VSTM2B: variants seen among roughly 807,000 people sequenced by gnomAD.
VSTM2B encodes the protein V-set and transmembrane domain containing 2B.
In VSTM2B, 24 loss-of-function variants were observed where a neutral mutation model predicts 24.0. The ratio of observed to expected loss-of-function variants is 1.00; its 90% confidence interval spans 0.72 to 1.40. VSTM2B has a LOEUF of 1.40. Among genes scored for constraint, VSTM2B ranks in the 40% most tolerant of loss-of-function variants. The pLI, the probability that VSTM2B is intolerant of heterozygous loss-of-function variation, is 0.00. For synonymous variants in VSTM2B, 226 were observed against 194.4 expected, an observed-to-expected ratio of 1.16 and a Z score of -1.35; for missense variants, 399 against 416.4, an observed-to-expected ratio of 0.96 and a Z score of 0.36.
chr19:29,544,372 A>C (rs1310808586), intron 4 of VSTM2B, among the ~76,000 whole-genome samples: 1 of 151,370 alleles, frequency 6.6e-6, no homozygotes, highest in Non-Finnish European at 1.5e-5. Flanking sequence ...TGAAAATATA[A>C]AAAATTAGCC....
intron 4 of VSTM2B, among the ~76,000 whole-genome samples, chr19:29,558,889 CATAAAA>C (rs1403095918): frequency 2.6e-5 from 4 of 152,064 alleles, no homozygotes; most frequent in African/African-American, 9.7e-5. Context: ...TAAAAAGAAA[CATAAAA>C]ATAAAACCAC....
At chr19:29,536,310 G>A (rs772816267) in intron 4 of VSTM2B, among the ~76,000 whole-genome samples, 3 of 152,208 alleles carry the variant, frequency 2.0e-5, no homozygotes, top group Non-Finnish European at 4.4e-5. Flanking sequence ...CTTCCTGTAG[G>A]TGGTGTGTGA....
At chr19:29,555,456 A>G (rs1970384184) in intron 4 of VSTM2B, among the ~76,000 whole-genome samples, 1 of 152,230 alleles carries the variant, frequency 6.6e-6, no homozygotes, top group South Asian at 2.1e-4. Context: ...AAAAGCTAGA[A>G]AGATCTCAAA....
At chr19:29,548,465 A>G (rs1368215077) in intron 4 of VSTM2B, among the ~76,000 whole-genome samples, 1 of 152,218 alleles carries the variant, frequency 6.6e-6, no homozygotes, top group Non-Finnish European at 1.5e-5. Flanking sequence ...TTTATGGCAG[A>G]AACTAATTCT....
In VSTM2B at chr19:29,526,449, G is replaced by T. The variant is rs1969567780; in HGVS notation, c.-135G>T. ...CGGGGCTGATTGGCGGCCGCCGGCG[G>T]CCAGGGGAGGGGGCGCCGCGCGGGG... On this transcript the variant is annotated 5_prime_UTR_variant, in exon 1 of 5. Transcript: ENST00000335523. The surrounding 1 kb of genome is among the most constrained non-coding windows in gnomAD (Gnocchi z 4.1). 1.8e-5 allele frequency: 7 copies of T among 383,848 alleles called. No individual in the cohort carries two copies. The East Asian group carries it at 3.6e-4, about 20-fold the overall frequency. 23.8% of individuals were successfully genotyped at this position (383,848 alleles called of 1,614,324 possible). A position where few individuals can be genotyped will look rare whatever the true frequency, so the allele number is the denominator to read the frequency against.
chr19:29,555,104 A>G (rs1314849886), intron 4 of VSTM2B, among the ~76,000 whole-genome samples: 2 of 152,230 alleles, frequency 1.3e-5, no homozygotes, highest in African/African-American at 2.4e-5. Flanking sequence ...ACAACGGAAT[A>G]TGCATTCTTC....
At chr19:29,560,126 T>C (rs757576485) in intron 4 of VSTM2B, among the ~76,000 whole-genome samples, 1 of 152,172 alleles carries the variant, frequency 6.6e-6, no homozygotes, top group Non-Finnish European at 1.5e-5. Flanking sequence ...CAAACCTCAA[T>C]GCACAAACAC....
chr19:29,542,179 G>A (rs1970036545), intron 4 of VSTM2B, among the ~76,000 whole-genome samples: 1 of 151,382 alleles, frequency 6.6e-6, no homozygotes, highest in Non-Finnish European at 1.5e-5. Context: ...ATGAGTGGAT[G>A]GGTAGAAGAA....
chr19:29,552,983 A>C (rs1594678), intron 4 of VSTM2B, among the ~76,000 whole-genome samples: 1 of 152,008 alleles, frequency 6.6e-6, no homozygotes, highest in African/African-American at 2.4e-5. Flanking sequence ...TGAGCCCCTC[A>C]GGGGAGGGGT....
intron 4 of VSTM2B, among the ~76,000 whole-genome samples, chr19:29,534,491 G>C (rs1969839966): frequency 6.6e-6 from 1 of 152,154 alleles, no homozygotes; most frequent in South Asian, 2.1e-4. Context: ...GAGGCGGGTG[G>C]ATCACCTGAG....
chr19:29,529,175 A>G (rs1969664112), intron 3 of VSTM2B: 5 of 973,478 alleles, frequency 5.1e-6, no homozygotes, highest in South Asian at 4.7e-5. Flanking sequence ...GGGGAGGAGC[A>G]CTTCGCTGGG....
chr19:29,562,442 C>T (rs1435858386), intron 4 of VSTM2B, among the ~76,000 whole-genome samples: 2 of 152,122 alleles, frequency 1.3e-5, no homozygotes, highest in African/African-American at 2.4e-5. Context: ...TGAAAGCAGC[C>T]GAGCCCTCTG....
In VSTM2B at chr19:29,563,979, C is replaced by T. The variant is rs775710984; in HGVS notation, c.*45C>T. On this transcript the variant is annotated 3_prime_UTR_variant, in exon 5 of 5. Coordinates refer to ENST00000335523, the MANE Select transcript of VSTM2B (RefSeq NM_001146339.2). The stretch of plus-strand genomic sequence containing the variant: ...CATCTCAGAGGCCGCACATGACCTG[C>T]CCGGGGCCCTCGGTGAGGACCATGT... 6.0e-5 allele frequency: 91 copies of T among 1,504,960 alleles called. No individual in the cohort carries two copies. The highest frequency in any genetic ancestry group is 7.8e-5 in the Non-Finnish European group (86 of 1,104,486). The allele number at this position is 1,504,960 out of a possible 1,614,324, so 93.2% of individuals were successfully genotyped here.
At chr19:29,562,010 T>G (rs1314279163) in intron 4 of VSTM2B, among the ~76,000 whole-genome samples, 1 of 151,858 alleles carries the variant, frequency 6.6e-6, no homozygotes, top group Non-Finnish European at 1.5e-5. Flanking sequence ...ACACCTGGAG[T>G]TTTGCTGTCC....
In VSTM2B at chr19:29,526,244, G is replaced by T. The variant is rs573394450; in HGVS notation, c.-340G>T. ...TCGGCCAGGGATGGGTCCCGGCGCGGCCCAGCCCCTGCCCGGCCCGCCGGG... is the reference window on the plus strand; with the variant it reads ...TCGGCCAGGGATGGGTCCCGGCGCGTCCCAGCCCCTGCCCGGCCCGCCGGG... On this transcript the variant is annotated 5_prime_UTR_variant, in exon 1 of 5. Coordinates refer to ENST00000335523, the MANE Select transcript of VSTM2B (RefSeq NM_001146339.2). This position sits in a 1 kb window ranked among gnomAD's most constrained non-coding sequence, Gnocchi z 4.1. Among the ~76,000 whole-genome samples the T allele has an allele frequency of 1.3e-5, 2 of 152,074 alleles. No homozygotes were observed. The highest frequency in any genetic ancestry group is 3.9e-4 in the East Asian group (2 of 5,128).
intron 3 of VSTM2B, chr19:29,528,932 G>T (rs36032943): frequency 0.056 from 54,710 of 985,104 alleles, 1,717 homozygotes; most frequent in Middle Eastern, 0.094. Context: ...CTGGGTGCGG[G>T]GTGTTGCAGG....
intron 4 of VSTM2B, among the ~76,000 whole-genome samples, chr19:29,541,942 G>A (rs1162883755): frequency 6.6e-6 from 1 of 151,700 alleles, no homozygotes; most frequent in African/African-American, 2.4e-5. Flanking sequence ...AGAATGAATG[G>A]ATGGATTCAA....
chr19:29,530,065 G>A lies in VSTM2B; in HGVS notation c.544G>A (p.Ala182Thr), dbSNP rs1045880572. 1.0e-4 allele frequency: 157 copies of A among 1,508,430 alleles called. No individual in the cohort carries two copies. Among genetic ancestry groups the A allele is most frequent in the Non-Finnish European group, 1.3e-4 (147 of 1,136,142 alleles). 93.4% of individuals were successfully genotyped at this position (1,508,430 alleles called of 1,614,324 possible). ...CCACGGCCCAGCCAGCGCCGCCAAC[G>A]CCAACAACGCGGGCGCCGCGAGCCG... ...RRHGPASAANANNAGAASRTT... is the reference protein window; with the variant it reads ...RRHGPASAANTNNAGAASRTT... Residue 182 changes from alanine to threonine, a missense_variant, in exon 4 of 5, where the codon GCC (alanine) becomes ACC (threonine). Transcript: ENST00000335523.
intron 2 of VSTM2B, 59 bp downstream of exon 2, chr19:29,527,454 G>GCTAA (rs1205741367): frequency 7.2e-7 from 1 of 1,389,158 alleles, no homozygotes; most frequent in African/African-American, 1.5e-5. Flanking sequence ...GGCGGCGAAG[G>GCTAA]CTAACCCAGG....
Sources: gnomAD v4.1 joint callset for allele counts (sites outside exome capture counted in the v4.1 genomes callset) on GRCh38, gnomAD v4.1.1 for gene constraint, Gnocchi (gnomAD v3.1) non-coding constraint, MANE v1.5 for transcripts, NCBI Gene and HGNC (gene_info 2026-07-23, HGNC 2026-07-21) for gene names.